The following GABBR2 variants were observed in gnomAD, a reference collection of about 807,000 sequenced individuals.
GABBR2 encodes gamma-aminobutyric acid type B receptor subunit 2, also known as G-protein coupled receptor 51.
GABBR2 carries 23 observed loss-of-function variants against 105.6 expected under a neutral mutation model. The observed-to-expected ratio is 0.22, with a 90% CI of 0.16 to 0.31. The LOEUF (loss-of-function observed/expected upper bound fraction) is 0.31, where lower values mean the gene tolerates loss of function less well. Among genes scored for constraint, GABBR2 ranks in the 10% least tolerant of loss-of-function variants. GABBR2 has a pLI of 1.00. For missense variants in GABBR2, 734 were observed against 1,245.5 expected (o/e 0.59, Z 6.18); for synonymous variants, 478 against 499.7 (o/e 0.96, Z 0.58).
At chr9:98,358,920 C>A (rs780122069) in intron 13 of GABBR2, among the ~76,000 whole-genome samples, 1 of 152,134 alleles carries the variant, frequency 6.6e-6, no homozygotes, top group African/African-American at 2.4e-5. Context: ...GAAAGCAGAC[C>A]ACCTGGGGTG....
intron 3 of GABBR2, among the ~76,000 whole-genome samples, chr9:98,523,292 G>C (rs539469630): frequency 6.6e-6 from 1 of 152,322 alleles, no homozygotes; most frequent in East Asian, 1.9e-4. Context: ...AGCACAGCCA[G>C]TAAGAATCCA....
At chr9:98,339,890 A>T (rs781439197) in intron 13 of GABBR2, among the ~76,000 whole-genome samples, 35 of 152,158 alleles carry the variant, frequency 2.3e-4, no homozygotes, top group Non-Finnish European at 4.0e-4. Context: ...CTGAATAGCA[A>T]TACCTGGTTC....
chr9:98,678,604 G>A (rs1001362594), intron 1 of GABBR2, among the ~76,000 whole-genome samples: 4 of 152,190 alleles, frequency 2.6e-5, no homozygotes, highest in African/African-American at 9.7e-5. Flanking sequence ...AACCTCATCT[G>A]GAAAACGGGA....
At chr9:98,392,866 AT>A (rs1832207042) in intron 9 of GABBR2, among the ~76,000 whole-genome samples, 1 of 151,790 alleles carries the variant, frequency 6.6e-6, no homozygotes, top group South Asian at 2.1e-4. Context: ...TCCACTACCC[AT>A]TCATCCATCC....
chr9:98,648,132 G>GTGTGTGTGTGT (rs1564140835), intron 1 of GABBR2, among the ~76,000 whole-genome samples: 6 of 93,956 alleles, frequency 6.4e-5, no homozygotes, highest in African/African-American at 2.0e-4. Context: ...TAGATAGATA[G>GTGTGTGTGTGT]ATAGATAGAT....
chr9:98,316,099 T>C lies in GABBR2; in HGVS notation c.1894-4894A>G, dbSNP rs529535706. ...CTTCTGTACAGGACAGCATTTGCATTGCCCTTAGAATGTTTTTCTTGCTCT... is the reference window on the plus strand; with the variant it reads ...CTTCTGTACAGGACAGCATTTGCATCGCCCTTAGAATGTTTTTCTTGCTCT... On this transcript the variant is annotated intron_variant, in intron 13 of 18. Transcript: ENST00000259455. 7.2e-5 allele frequency among the ~76,000 whole-genome samples: 11 copies of C among 152,048 alleles called. No homozygotes were observed. The South Asian group carries it at 1.7e-3, about 23-fold the overall frequency.
chr9:98,414,676 G>C (rs1832655373), intron 7 of GABBR2, among the ~76,000 whole-genome samples: 2 of 152,172 alleles, frequency 1.3e-5, no homozygotes, highest in African/African-American at 2.4e-5. Flanking sequence ...TTCCTCCTAG[G>C]CACATGGCCA....
At chr9:98,334,741 T>A (rs945091664) in intron 13 of GABBR2, among the ~76,000 whole-genome samples, 1 of 152,220 alleles carries the variant, frequency 6.6e-6, no homozygotes. Context: ...TCACAGGTTG[T>A]CTCAGCCTCC....
chr9:98,479,161 T>C (rs1294680871), intron 5 of GABBR2, among the ~76,000 whole-genome samples: 1 of 152,224 alleles, frequency 6.6e-6, no homozygotes. Context: ...TACTCTCCAC[T>C]GATAAATAGA....
chr9:98,292,866 C>A (rs1830323019), intron 18 of GABBR2, among the ~76,000 whole-genome samples: 1 of 152,202 alleles, frequency 6.6e-6, no homozygotes, highest in Non-Finnish European at 1.5e-5. Context: ...GCAGGGGACA[C>A]ATGAAGGACT....
At chr9:98,407,662 A>G (rs1173659732) in intron 7 of GABBR2, among the ~76,000 whole-genome samples, 2 of 152,180 alleles carry the variant, frequency 1.3e-5, no homozygotes, top group East Asian at 3.9e-4. Flanking sequence ...TGGGGATCTA[A>G]TTTACCAATC....
At chr9:98,470,354 G>A (rs551346952) in intron 6 of GABBR2, among the ~76,000 whole-genome samples, 1 of 152,346 alleles carries the variant, frequency 6.6e-6, no homozygotes, top group East Asian at 1.9e-4. Flanking sequence ...AATCATGGCA[G>A]AAGGTGAAAG....
intron 1 of GABBR2, among the ~76,000 whole-genome samples, chr9:98,700,502 C>T (rs148447274): frequency 6.6e-5 from 10 of 152,148 alleles, no homozygotes; most frequent in Non-Finnish European, 1.3e-4. Flanking sequence ...TCTTCCTACC[C>T]GACTCTCCTT....
chr9:98,403,912 C>T (rs756954537), intron 8 of GABBR2, among the ~76,000 whole-genome samples: 64 of 152,068 alleles, frequency 4.2e-4, no homozygotes, highest in Non-Finnish European at 6.9e-4. Flanking sequence ...GGCGAAGTCG[C>T]TTGCCTGAAA....
intron 1 of GABBR2, among the ~76,000 whole-genome samples, chr9:98,663,124 C>T (rs369575716): frequency 2.6e-5 from 4 of 152,214 alleles, no homozygotes; most frequent in African/African-American, 9.6e-5. Context: ...GCCTGGCCTA[C>T]GCTAAGTGAA....
chr9:98,417,429 G>T (rs1006881158), intron 7 of GABBR2, among the ~76,000 whole-genome samples: 6 of 152,274 alleles, frequency 3.9e-5, no homozygotes, highest in African/African-American at 1.2e-4. Flanking sequence ...CATCCCATGG[G>T]CCAAATGATG....
intron 1 of GABBR2, among the ~76,000 whole-genome samples, chr9:98,584,302 C>G (rs182666432): frequency 6.6e-6 from 1 of 152,332 alleles, no homozygotes; most frequent in Non-Finnish European, 1.5e-5. Context: ...GTCTTGCCAC[C>G]TGGAGATTGG....
At chr9:98,387,353 G>C (rs557149631) in intron 10 of GABBR2, among the ~76,000 whole-genome samples, 1 of 152,330 alleles carries the variant, frequency 6.6e-6, no homozygotes, top group South Asian at 2.1e-4. Flanking sequence ...TTAGTCTTAT[G>C]ATGGGGCAAC....
chr9:98,607,417 C>A (rs1177481898), intron 1 of GABBR2: 1 of 639,720 alleles, frequency 1.6e-6, no homozygotes, highest in Non-Finnish European at 2.8e-6. Flanking sequence ...ACAGAAGACA[C>A]ACTCACACCA....
Sources: allele counts gnomAD v4.1 joint callset (sites outside exome capture counted in the v4.1 genomes callset), GRCh38; gene constraint gnomAD v4.1.1; transcripts MANE v1.5; gene names NCBI Gene and HGNC (gene_info 2026-07-23, HGNC 2026-07-21).